SNPH: variants seen among roughly 807,000 people sequenced by gnomAD.
The protein encoded by SNPH is syntaphilin.
In SNPH, 10 loss-of-function variants were observed where a neutral mutation model predicts 36.8. That is an observed-to-expected ratio of 0.27 (90% CI 0.17 to 0.46). The LOEUF (loss-of-function observed/expected upper bound fraction) is 0.46. Ranked by LOEUF, SNPH falls within the 20% of genes least tolerant of loss-of-function variation. SNPH has a pLI of 1.00. For synonymous variants in SNPH, 281 were observed against 312.2 expected, an observed-to-expected ratio of 0.90 and a Z score of 1.05; for missense variants, 622 against 744.0, an observed-to-expected ratio of 0.84 and a Z score of 1.91.
rs548268018 is a variant in SNPH, at chr20:1,301,346, T to C, written c.440+635T>C. ...CCCTCCAAGCCCAGTGGCTTCATCTTTGTGATCTACACTTCAGGGCGTCGA... is the reference window on the plus strand; with the variant it reads ...CCCTCCAAGCCCAGTGGCTTCATCTCTGTGATCTACACTTCAGGGCGTCGA... On this transcript the variant is annotated intron_variant, in intron 6 of 6. Coordinates refer to ENST00000381867, the MANE Select transcript of SNPH (RefSeq NM_001318234.2). 1.1e-3 allele frequency among the ~76,000 whole-genome samples: 138 copies of C among 123,120 alleles called. 2 individuals carry two copies. The highest frequency in any genetic ancestry group is 4.1e-3 in the African/African-American group (133 of 32,580). The allele number at this position is 123,120 out of a possible 152,430, so 80.8% of individuals were successfully genotyped here.
At chr20:1,297,076 AGT>A in intron 4 of SNPH, 67 bp from the exon 5 acceptor site, 1 of 1,530,472 alleles carries the variant, frequency 6.5e-7, no homozygotes, top group Non-Finnish European at 8.8e-7. Flanking sequence ...GCGGCCTGGC[AGT>A]GTTCGCCCAG....
chr20:1,294,459 C>T lies in SNPH; in HGVS notation c.-492-492C>T, dbSNP rs540764991. ...CCCAAATCGCCCCTCCTCCATGGTT[C>T]CTGCTCTAGGGGCCAGCCCTACAGT... On this transcript the variant is annotated intron_variant, in intron 2 of 6. Coordinates refer to ENST00000381867, the MANE Select transcript of SNPH (RefSeq NM_001318234.2). This position sits in a 1 kb window ranked among gnomAD's most constrained non-coding sequence, Gnocchi z 4.4. Among the ~76,000 whole-genome samples, 1 of 152,338 alleles carries T rather than the reference C, an allele frequency of 6.6e-6. No homozygotes were observed. Among genetic ancestry groups the T allele is most frequent in the East Asian group, 1.9e-4 (1 of 5,176 alleles).
chr20:1,277,643 CCTGTGT>C lies in SNPH; in HGVS notation c.-493+10884_-493+10889del, dbSNP rs575487511. Among the ~76,000 whole-genome samples the C allele has an allele frequency of 9.5e-3, 370 of 39,136 alleles. 3 individuals are homozygous for C. Among genetic ancestry groups the C allele is most frequent in the African/African-American group, 0.035 (347 of 9,814 alleles). 25.7% of individuals were successfully genotyped at this position (39,136 alleles called of 152,430 possible). ...GTGTGCCTGTGTGTGTGTGTCTGTG[CCTGTGT>C]GTCTGTGTATCTGTGTGTGTCCGTG... is the stretch of plus-strand genomic sequence containing the variant. On this transcript the variant is annotated intron_variant, in intron 2 of 6. Coordinates refer to ENST00000381867, the MANE Select transcript of SNPH (RefSeq NM_001318234.2).
At chr20:1,290,260 G>T (rs940464039) in intron 2 of SNPH, among the ~76,000 whole-genome samples, 1 of 151,830 alleles carries the variant, frequency 6.6e-6, no homozygotes, top group Non-Finnish European at 1.5e-5. Context: ...GGGATTTTAG[G>T]ATACTCACAA....
chr20:1,282,887 C>A (rs1259826103), intron 2 of SNPH, among the ~76,000 whole-genome samples: 2 of 152,130 alleles, frequency 1.3e-5, no homozygotes, highest in Non-Finnish European at 2.9e-5. Context: ...CTTGATTCTG[C>A]CCTAGGACAA....
At chr20:1,274,925 CGCCTCCCTTCCA>C (rs1346905643) in intron 2 of SNPH, among the ~76,000 whole-genome samples, 6 of 152,196 alleles carry the variant, frequency 3.9e-5, no homozygotes, top group Non-Finnish European at 7.3e-5. Flanking sequence ...TTGTAAGATT[CGCCTCCCTTCCA>C]GCCTCCCTTT....
chr20:1,278,018 CTATGTA>C (rs2088167918), intron 2 of SNPH, among the ~76,000 whole-genome samples: 1 of 135,682 alleles, frequency 7.4e-6, no homozygotes. Context: ...GTGTCAGTGT[CTATGTA>C]TGTGTGTCTG....
chr20:1,280,922 G>C (rs1279977190), intron 2 of SNPH, among the ~76,000 whole-genome samples: 1 of 152,170 alleles, frequency 6.6e-6, no homozygotes, highest in Non-Finnish European at 1.5e-5. Flanking sequence ...CAGGATAGCA[G>C]ACACCTAGCC....
At position 1,294,773 on chromosome 20, in the gene SNPH, G is replaced by A. The variant is rs1568546941; in HGVS notation, c.-492-178G>A. On this transcript the variant is annotated intron_variant, in intron 2 of 6. Coordinates refer to ENST00000381867, the MANE Select transcript of SNPH (RefSeq NM_001318234.2). The surrounding 1 kb of genome is among the most constrained non-coding windows in gnomAD (Gnocchi z 4.4). ...GGGGAGGCCCTGACATGGGAAGGGGGTGGTCCCCGGGCCAGAGACTCTGGG... is the reference window on the plus strand; with the variant it reads ...GGGGAGGCCCTGACATGGGAAGGGGATGGTCCCCGGGCCAGAGACTCTGGG... Among the ~76,000 whole-genome samples the A allele has an allele frequency of 6.6e-6, 1 of 152,188 alleles. No homozygotes were observed. The highest frequency in any genetic ancestry group is 2.1e-4 in the South Asian group (1 of 4,830).
At chr20:1,284,362 T>A (rs1230686583) in intron 2 of SNPH, among the ~76,000 whole-genome samples, 1 of 152,208 alleles carries the variant, frequency 6.6e-6, no homozygotes, top group Non-Finnish European at 1.5e-5. Flanking sequence ...CAGCAAAGAT[T>A]TATTGAGGGC....
Position 1,306,076 on chromosome 20 carries a change from C to T in SNPH, c.*22C>T, listed in dbSNP as rs545631455. 6.3e-6 allele frequency: 9 copies of T among 1,420,804 alleles called. No homozygotes were observed. Among genetic ancestry groups the T allele is most frequent in the East Asian group, 5.2e-5 (2 of 38,152 alleles). The allele number at this position is 1,420,804 out of a possible 1,614,324, so 88.0% of individuals were successfully genotyped here. ...CTGAGGGGGCCCATTCTGGCAGCGGCGCCTGCGGCCTGACCACTGATTGTA... is the reference window on the plus strand; with the variant it reads ...CTGAGGGGGCCCATTCTGGCAGCGGTGCCTGCGGCCTGACCACTGATTGTA... On this transcript the variant is annotated 3_prime_UTR_variant, in exon 7 of 7. Transcript: ENST00000381867.
At chr20:1,287,389 G>A (rs963954783) in intron 2 of SNPH, among the ~76,000 whole-genome samples, 1 of 152,084 alleles carries the variant, frequency 6.6e-6, no homozygotes, top group African/African-American at 2.4e-5. Context: ...ACTTGAAAAG[G>A]TTCCCTTTGT....
chr20:1,300,583 G>A lies in SNPH; in HGVS notation c.312G>A (p.Leu104=). Reference sequence around the variant, plus strand: ...GCAGGCGCTCCATGAAATACACGCTGTGCAGTGACAACCATGGCATCAAGC... The same window carrying A: ...GCAGGCGCTCCATGAAATACACGCTATGCAGTGACAACCATGGCATCAAGC... ...PTPRRSMKYT[L]CSDNHGIKPP... The change falls in exon 6 of 7, where the codon CTG becomes CTA. Residue 104 remains leucine (L), a synonymous_variant. Coordinates refer to ENST00000381867, the MANE Select transcript of SNPH (RefSeq NM_001318234.2). The A allele has an allele frequency of 6.2e-7, 1 of 1,613,958 alleles. No individual in the cohort carries two copies. Among genetic ancestry groups the A allele is most frequent in the South Asian group, 1.1e-5 (1 of 91,072 alleles).
intron 6 of SNPH, among the ~76,000 whole-genome samples, chr20:1,300,933 G>A (rs112412263): frequency 8.7e-4 from 133 of 152,312 alleles, no homozygotes; most frequent in Non-Finnish European, 1.4e-3. Flanking sequence ...GGGGCCAGGC[G>A]GGAGCAGTTT....
At chr20:1,296,537 C>G in intron 4 of SNPH, 116 bp downstream of exon 4, 1 of 884,182 alleles carries the variant, frequency 1.1e-6, no homozygotes, top group Non-Finnish European at 1.7e-6. Flanking sequence ...TTTCCCATTC[C>G]CATCTTTAAA....
At chr20:1,291,402 G>A (rs1214467167) in intron 2 of SNPH, among the ~76,000 whole-genome samples, 2 of 152,246 alleles carry the variant, frequency 1.3e-5, no homozygotes, top group Non-Finnish European at 2.9e-5. Flanking sequence ...AGGAGGAGCA[G>A]AGGCACATAG....
intron 2 of SNPH, among the ~76,000 whole-genome samples, chr20:1,282,776 C>A (rs1163443098): frequency 6.6e-6 from 1 of 152,190 alleles, no homozygotes; most frequent in African/African-American, 2.4e-5. Flanking sequence ...GTGCCAGGCT[C>A]TTTGCATGCA....
Position 1,266,716 on chromosome 20 carries a change from G to GCC in SNPH, c.-537_-536insCC. The GCC allele has an allele frequency of 7.0e-7, 1 of 1,420,812 alleles. No homozygotes were observed. The highest frequency in any genetic ancestry group is 9.2e-7 in the Non-Finnish European group (1 of 1,092,426). The allele number at this position is 1,420,812 out of a possible 1,614,324, so 88.0% of individuals were successfully genotyped here. On this transcript the variant is annotated 5_prime_UTR_variant, in exon 2 of 7. Coordinates refer to ENST00000381867, the MANE Select transcript of SNPH (RefSeq NM_001318234.2). The surrounding 1 kb of genome is among the most constrained non-coding windows in gnomAD (Gnocchi z 6.0). ...CAGAGGCGCTGCGCCAAGCCGGGCC[G>GCC]GAGTGGTGCGAGCCGGCGGGGCTGC...
chr20:1,272,679 G>A (rs1168529961), intron 2 of SNPH, among the ~76,000 whole-genome samples: 1 of 152,222 alleles, frequency 6.6e-6, no homozygotes, highest in Non-Finnish European at 1.5e-5. Context: ...AGTCATTATT[G>A]GCTGGCCCAC....
Sources: allele counts gnomAD v4.1 joint callset (sites outside exome capture counted in the v4.1 genomes callset), GRCh38; gene constraint gnomAD v4.1.1; non-coding constraint Gnocchi (gnomAD v3.1); transcripts MANE v1.5; gene names NCBI Gene and HGNC (gene_info 2026-07-23, HGNC 2026-07-21).